Variants in DLG5 observed in about 807,000 individuals in gnomAD.
DLG5 encodes disks large homolog 5.
In DLG5, 48 loss-of-function variants were observed where a neutral mutation model predicts 189.8. The ratio of observed to expected loss-of-function variants is 0.25; its 90% CI spans 0.20 to 0.32. The LOEUF is 0.32. DLG5 is among the 10% of genes least tolerant of loss of function. The probability of loss-of-function intolerance (pLI) is 1.00; values close to 1 mark genes in which losing one functional copy is unlikely to be tolerated. For missense variants in DLG5, 2,160 were observed against 2,544.7 expected, an observed-to-expected ratio of 0.85 and a Z score of 3.25; for synonymous variants, 1,016 against 1,054.1, an observed-to-expected ratio of 0.96 and a Z score of 0.70.
the DLG5 span, among the ~76,000 whole-genome samples, chr10:77,933,706 A>G: frequency 2.6e-5 from 4 of 151,668 alleles, no homozygotes; most frequent in African/African-American, 4.8e-5. Context: ...CCCGGGTAAC[A>G]GAGTAAGACT....
chr10:77,918,600 G>A (rs1846439704), intron 1 of DLG5, among the ~76,000 whole-genome samples: 1 of 152,060 alleles, frequency 6.6e-6, no homozygotes, highest in South Asian at 2.1e-4. Flanking sequence ...TCTCTATTTG[G>A]TTTAAAATGT....
At chr10:77,931,928 A>C in the DLG5 span, among the ~76,000 whole-genome samples, 1 of 152,184 alleles carries the variant, frequency 6.6e-6, no homozygotes, top group Non-Finnish European at 1.5e-5. Context: ...GGAGAAGTAA[A>C]TGATAGGACT....
intron 1 of DLG5, among the ~76,000 whole-genome samples, chr10:77,914,468 A>G (rs950834779): frequency 6.6e-6 from 1 of 152,156 alleles, no homozygotes; most frequent in Non-Finnish European, 1.5e-5. Flanking sequence ...ACAGATGGGG[A>G]AGAGAAAGCA....
intron 14 of DLG5, among the ~76,000 whole-genome samples, chr10:77,823,074 T>C (rs1842447284): frequency 6.6e-6 from 1 of 152,262 alleles, no homozygotes; most frequent in Non-Finnish European, 1.5e-5. Context: ...TTAATACTAA[T>C]GCATCCACAT....
chr10:77,856,514 G>A (rs1033258665), intron 3 of DLG5, among the ~76,000 whole-genome samples: 4 of 151,870 alleles, frequency 2.6e-5, no homozygotes, highest in Non-Finnish European at 5.9e-5. Flanking sequence ...CCACTATCAG[G>A]GGCCTTGCCA....
At chr10:77,870,941 C>G (rs368031910) in intron 1 of DLG5, among the ~76,000 whole-genome samples, 1 of 151,632 alleles carries the variant, frequency 6.6e-6, no homozygotes, top group Non-Finnish European at 1.5e-5. Context: ...AGCTAGCAGG[C>G]GTGTCCATCA....
At chr10:77,826,011 T>C (rs1039050739) in intron 13 of DLG5, among the ~76,000 whole-genome samples, 2 of 152,198 alleles carry the variant, frequency 1.3e-5, no homozygotes, top group Non-Finnish European at 2.9e-5. Context: ...CTGAAAAACA[T>C]TGGCAAAGAT....
intron 8 of DLG5, among the ~76,000 whole-genome samples, chr10:77,834,756 C>A (rs12356375): frequency 0.29 from 43,351 of 151,954 alleles, 6,546 homozygotes; most frequent in Non-Finnish European, 0.34. Context: ...TGGCTGAGGA[C>A]TGCCCCCTGG....
Position 77,843,479 on chromosome 10 carries a change from C to G in DLG5, c.1092G>C (p.Gln364His), listed in dbSNP as rs767337105. 1.6e-5 allele frequency: 26 copies of G among 1,613,964 alleles called. No homozygotes were observed. In the East Asian group the frequency reaches 5.8e-4, roughly 36 times the overall value. Residue 364 changes from glutamine (Q) to histidine (H), a missense_variant, in exon 6 of 32, where the codon CAG (glutamine) becomes CAC (histidine). Around this residue, in one of 5 missense-constraint regions of DLG5, gnomAD observed 664 missense variants for 838.5 expected, o/e 0.79. Transcript: ENST00000372391. ...MLTQQRDTAIQLQHQCALSLR... is the reference protein window; with the variant it reads ...MLTQQRDTAIHLQHQCALSLR... The stretch of plus-strand genomic sequence containing the variant: ...GGGAGAGGGCGCACTGGTGCTGCAG[C>G]TGGATGGCCGTGTCCCTCTGCTGGG...
chr10:77,884,072 A>G (rs1328634138), intron 1 of DLG5, among the ~76,000 whole-genome samples: 1 of 152,158 alleles, frequency 6.6e-6, no homozygotes, highest in African/African-American at 2.4e-5. Flanking sequence ...CAGGAGGAAA[A>G]AATGAGTTTC....
chr10:77,830,436 G>A (rs1319541589), intron 10 of DLG5, 92 bp from the exon 11 acceptor site: 4 of 1,570,034 alleles, frequency 2.5e-6, no homozygotes, highest in African/African-American at 2.7e-5. Flanking sequence ...TCCAATGTGG[G>A]GGACTGTCCC....
chr10:77,810,888 T>C (rs948444910), intron 23 of DLG5, among the ~76,000 whole-genome samples: 2 of 151,394 alleles, frequency 1.3e-5, no homozygotes, highest in East Asian at 2.0e-4. Flanking sequence ...AACAAGTCAA[T>C]AGAAAACAGG....
At position 77,821,338 on chromosome 10, in the gene DLG5, C is replaced by A; in HGVS notation, c.3146G>T (p.Ser1049Ile). ...VGSSPSTSPP[S>I]ALPPDVDPGE... ...GGGGTCCACGTCAGGGGGCAGGGCG[C>A]TCGGGGGACTAGTGGATGGGGAGCT... The change falls in exon 15 of 32, where the codon AGC becomes ATC. Residue 1049 changes from serine to isoleucine, a missense_variant. Transcript: ENST00000372391. The A allele has an allele frequency of 6.2e-7, 1 of 1,613,086 alleles. No individual in the cohort carries two copies. Among genetic ancestry groups the A allele is most frequent in the Non-Finnish European group, 8.5e-7 (1 of 1,180,006 alleles).
At chr10:77,792,637 G>T in intron 31 of DLG5, 94 bp from the exon 32 acceptor site, 1 of 1,181,910 alleles carries the variant, frequency 8.5e-7, no homozygotes, top group East Asian at 2.3e-5. Flanking sequence ...CTACTGTGTG[G>T]CTGTCTGCTT....
intron 20 of DLG5, among the ~76,000 whole-genome samples, chr10:77,815,459 A>T (rs1385769632): frequency 6.6e-6 from 1 of 152,176 alleles, no homozygotes; most frequent in Non-Finnish European, 1.5e-5. Flanking sequence ...CAGGAGTTCA[A>T]GATAAGCTTG....
At chr10:77,897,566 G>T (rs1411229123) in intron 1 of DLG5, among the ~76,000 whole-genome samples, 1 of 151,622 alleles carries the variant, frequency 6.6e-6, no homozygotes, top group Non-Finnish European at 1.5e-5. Context: ...GCTCATGCCT[G>T]TAAGCCCAGC....
chr10:77,915,645 T>C (rs999517761), intron 1 of DLG5, among the ~76,000 whole-genome samples: 4 of 152,186 alleles, frequency 2.6e-5, no homozygotes, highest in African/African-American at 9.7e-5. Context: ...AGAACCCTTT[T>C]AGGGCATAGC....
rs1356627540 is a variant in DLG5, at chr10:77,830,846, C to G, written c.1776G>C (p.Lys592Asn). Residue 592 changes from lysine to asparagine, a missense_variant, in exon 10 of 32, where the codon AAG (lysine) becomes AAC (asparagine). Physicochemically the swap from Lys to Asn is moderately conservative, Grantham distance 94. Transcript: ENST00000372391. ...CCATCAGCTGTCGGAACCGGGCCTC[C>G]TTTTCCAACTGGGATTCCATCTGTT... Reference protein sequence around the residue: ...LKEQMESQLEKEARFRQLMAH... With the variant: ...LKEQMESQLENEARFRQLMAH... 1 of 1,614,144 alleles carries G rather than the reference C, an allele frequency of 6.2e-7. No individual in the cohort carries two copies.
rs774000676 is a variant in DLG5, at chr10:77,794,868, T to C, written c.5527A>G (p.Lys1843Glu). 5 of 1,613,952 alleles carry C rather than the reference T, an allele frequency of 3.1e-6. No individual in the cohort carries two copies. Among genetic ancestry groups the C allele is most frequent in the East Asian group, 4.5e-5 (2 of 44,854 alleles). ...ACCTACTTGATGTGCTTGGCGCTCT[T>C]GTAGTGGATGAAGATGACAATGGGG... Reference protein sequence around the residue: ...IYPIVIFIHYKSAKHIKEQRD... With the variant: ...IYPIVIFIHYESAKHIKEQRD... Residue 1843 changes from lysine to glutamate, a missense_variant, in exon 30 of 32, where the codon AAG becomes GAG. Transcript: ENST00000372391.
Sources: gnomAD v4.1 joint callset for allele counts (sites outside exome capture counted in the v4.1 genomes callset) on GRCh38, gnomAD v4.1.1 for gene constraint, gnomAD v4.1.1 regional missense constraint, MANE v1.5 for transcripts, NCBI Gene and HGNC (gene_info 2026-07-23, HGNC 2026-07-21) for gene names.